Variants in JAK1 observed in about 807,000 individuals in gnomAD.
JAK1 encodes Janus kinase 1.
In JAK1, 16 loss-of-function variants were observed where a neutral mutation model predicts 136.6. That is an observed-to-expected ratio of 0.12 (90% confidence interval 0.08 to 0.18). The LOEUF (loss-of-function observed/expected upper bound fraction) is 0.18. Ranked by LOEUF, JAK1 falls within the 10% of genes least tolerant of loss-of-function variation. JAK1 has a pLI of 1.00. For synonymous variants in JAK1, 492 were observed against 519.5 expected (o/e 0.95, Z 0.72); for missense variants, 859 against 1,450.1 (o/e 0.59, Z 6.62).
intron 1 of JAK1, among the ~76,000 whole-genome samples, chr1:64,944,051 T>C (rs1428977906): frequency 6.6e-6 from 1 of 151,756 alleles, no homozygotes; most frequent in Non-Finnish European, 1.5e-5. Context: ...TGAAATCCCG[T>C]CTCTACTAAA....
chr1:64,917,860 G>C (rs1325309362), intron 1 of JAK1, among the ~76,000 whole-genome samples: 1 of 152,140 alleles, frequency 6.6e-6, no homozygotes, highest in Non-Finnish European at 1.5e-5. Flanking sequence ...GAGAAGCCCT[G>C]TTTCCCACAA....
intron 2 of JAK1, among the ~76,000 whole-genome samples, chr1:65,019,063 A>C (rs942741723): frequency 2.0e-5 from 3 of 152,082 alleles, no homozygotes; most frequent in African/African-American, 7.2e-5. Context: ...ATCTCGAACA[A>C]TCCTATGATC....
chr1:64,968,308 A>C (rs1646416926), upstream of JAK1, among the ~76,000 whole-genome samples: 1 of 152,042 alleles, frequency 6.6e-6, no homozygotes, highest in South Asian at 2.1e-4. Flanking sequence ...AAAAAAATAG[A>C]CTAGGTTCCT....
At chr1:64,963,046 T>C (rs1283085919) in intron 1 of JAK1, among the ~76,000 whole-genome samples, 2 of 152,182 alleles carry the variant, frequency 1.3e-5, no homozygotes, top group Non-Finnish European at 2.9e-5. Context: ...CATTCCAGAC[T>C]GGGCGACAGA....
chr1:65,017,400 G>A (rs1306462447), intron 2 of JAK1, among the ~76,000 whole-genome samples: 1 of 151,718 alleles, frequency 6.6e-6, no homozygotes, highest in African/African-American at 2.4e-5. Flanking sequence ...CCCAGGAGGC[G>A]GAGGTTGTAG....
intron 1 of JAK1, among the ~76,000 whole-genome samples, chr1:64,901,735 T>A (rs948484807): frequency 6.6e-6 from 1 of 152,202 alleles, no homozygotes; most frequent in East Asian, 1.9e-4. Context: ...AGTGCAACCA[T>A]CATCACTATC....
chr1:64,908,114 T>A (rs918954587), intron 1 of JAK1, among the ~76,000 whole-genome samples: 1 of 152,202 alleles, frequency 6.6e-6, no homozygotes, highest in Non-Finnish European at 1.5e-5. Flanking sequence ...ACTTTAGGAA[T>A]ACCCATTTAT....
At chr1:65,029,958 T>TA (rs35368364) in intron 2 of JAK1, among the ~76,000 whole-genome samples, 3,436 of 145,880 alleles carry the variant, frequency 0.024, 143 homozygotes, top group African/African-American at 0.079. Context: ...GTTAAAAAGT[T>TA]AAAAAAAAAA....
At chr1:64,894,515 T>C (rs1217598240) in intron 1 of JAK1, among the ~76,000 whole-genome samples, 1 of 152,072 alleles carries the variant, frequency 6.6e-6, no homozygotes, top group Non-Finnish European at 1.5e-5. Context: ...TCCCAGCACT[T>C]TGGGACGCCA....
At chr1:64,992,816 G>A (rs928225959) in intron 2 of JAK1, 2 of 150,958 alleles carry the variant, frequency 1.3e-5, no homozygotes, top group East Asian at 3.9e-4. Flanking sequence ...AGGAATCCAG[G>A]AGGTGGAGCT....
At chr1:64,890,588 G>A (rs1644920195) in intron 1 of JAK1, among the ~76,000 whole-genome samples, 1 of 152,152 alleles carries the variant, frequency 6.6e-6, no homozygotes, top group Non-Finnish European at 1.5e-5. Flanking sequence ...AGTCCAGCCT[G>A]GGCAATATGG....
chr1:64,873,092 C>T (rs17127117), intron 5 of JAK1, among the ~76,000 whole-genome samples: 25,661 of 151,644 alleles, frequency 0.17, 2,447 homozygotes, highest in East Asian at 0.32. Context: ...GCTATTAATA[C>T]GGATGAAAAA....
At chr1:64,866,824 C>T (rs2101113172) in intron 7 of JAK1, 42 bp downstream of exon 7, 4 of 1,434,230 alleles carry the variant, frequency 2.8e-6, no homozygotes, top group South Asian at 1.2e-5. Flanking sequence ...CGCTATGTGA[C>T]ACGGGAATGT....
At chr1:65,063,537 C>T (rs537508762) in intron 1 of JAK1, among the ~76,000 whole-genome samples, 20 of 152,182 alleles carry the variant, frequency 1.3e-4, no homozygotes, top group Non-Finnish European at 1.8e-4. Context: ...GGCACAGTGG[C>T]TCATGCCTGT....
At chr1:64,842,438 C>T (rs1217158288) in intron 17 of JAK1, among the ~76,000 whole-genome samples, 1 of 136,188 alleles carries the variant, frequency 7.3e-6, no homozygotes, top group Non-Finnish European at 1.6e-5. Flanking sequence ...AAGTTCCTCT[C>T]TGGTCCCCGT....
intron 1 of JAK1, among the ~76,000 whole-genome samples, chr1:64,946,955 T>C (rs1645999133): frequency 6.6e-6 from 1 of 152,172 alleles, no homozygotes; most frequent in African/African-American, 2.4e-5. Context: ...TGAAACATGC[T>C]AGTGAAAAAG....
rs948706171 is a variant in JAK1, at chr1:64,844,387, C to T, written c.2252-172G>A. On this transcript the variant is annotated intron_variant, in intron 16 of 24. Transcript: ENST00000342505. The surrounding 1 kb of genome is among the most constrained non-coding windows in gnomAD (Gnocchi z 5.7). The stretch of plus-strand genomic sequence containing the variant: ...GCGGGGGGCCTGCAGGCGTGCAGCC[C>T]TCCAAGCCACCACCAGCACTTCTGA... 2.6e-5 allele frequency among the ~76,000 whole-genome samples: 4 copies of T among 152,216 alleles called. No homozygotes were observed. Among genetic ancestry groups the T allele is most frequent in the African/African-American group, 9.6e-5 (4 of 41,458 alleles).
chr1:64,886,128 T>A, intron 2 of JAK1, 131 bp downstream of exon 2: 1 of 568,826 alleles, frequency 1.8e-6, no homozygotes, highest in Non-Finnish European at 3.1e-6. Flanking sequence ...ACATTGGGAA[T>A]GAATAAATAC....
intron 2 of JAK1, among the ~76,000 whole-genome samples, chr1:65,001,537 T>C (rs539153407): frequency 6.6e-6 from 1 of 152,024 alleles, no homozygotes; most frequent in Admixed American, 6.6e-5. Context: ...AAAGAGGGGG[T>C]GCATGTGTGC....
Sources: gnomAD v4.1 joint callset for allele counts (sites outside exome capture counted in the v4.1 genomes callset) on GRCh38, gnomAD v4.1.1 for gene constraint, Gnocchi (gnomAD v3.1) non-coding constraint, MANE v1.5 for transcripts, NCBI Gene and HGNC (gene_info 2026-07-23, HGNC 2026-07-21) for gene names.